LRRTM4: variants seen among roughly 807,000 people sequenced by gnomAD.
LRRTM4 encodes the protein leucine-rich repeat transmembrane neuronal protein 4.
A neutral mutation model predicts 47.6 loss-of-function variants in LRRTM4; 25 were observed. The ratio of observed to expected loss-of-function variants is 0.53; its 90% CI spans 0.38 to 0.73. The LOEUF (loss-of-function observed/expected upper bound fraction) is 0.73, where lower values mean the gene tolerates loss of function less well. LRRTM4 is among the 30% of genes least tolerant of loss of function. The probability of loss-of-function intolerance (pLI) is 0.00; values close to 1 mark genes in which losing one functional copy is unlikely to be tolerated. For missense variants in LRRTM4, 638 were observed against 713.4 expected (o/e 0.89, Z 1.20); for synonymous variants, 311 against 269.5 (o/e 1.15, Z -1.51).
Position 77,459,571 on chromosome 2 carries a change from C to T in LRRTM4, c.1551+58747G>A, listed in dbSNP as rs560435915. ...GAGTAAGTACTATAAAATATTGGTC[C>T]CTTACACTACATCATATAATGAAAT... is the stretch of plus-strand genomic sequence containing the variant. On this transcript the variant is annotated intron_variant, in intron 3 of 3. Transcript: ENST00000409884. Among the ~76,000 whole-genome samples the T allele has an allele frequency of 2.6e-5, 4 of 151,748 alleles. No individual in the cohort carries two copies. The South Asian group carries it at 8.3e-4, about 32-fold the overall frequency.
chr2:77,175,032 C>A (rs1236523481), intron 3 of LRRTM4, among the ~76,000 whole-genome samples: 1 of 151,520 alleles, frequency 6.6e-6, no homozygotes, highest in Non-Finnish European at 1.5e-5. Flanking sequence ...AAGTTAGTTT[C>A]AAATGCTAGT....
chr2:77,520,572 C>T (rs1679446734), intron 2 of LRRTM4, among the ~76,000 whole-genome samples: 1 of 152,040 alleles, frequency 6.6e-6, no homozygotes, highest in Admixed American at 6.6e-5. Flanking sequence ...TCTAAATACT[C>T]ATAACAGAGA....
In LRRTM4 at chr2:76,748,304, C is replaced by A. The variant is rs746780779; in HGVS notation, c.*391G>T. 7.1e-5 allele frequency: 12 copies of A among 169,730 alleles called. No individual in the cohort carries two copies. Among genetic ancestry groups the A allele is most frequent in the Non-Finnish European group, 1.0e-4 (8 of 79,376 alleles). The allele number at this position is 169,730 out of a possible 1,614,324, so 10.5% of individuals were successfully genotyped here. ...AACGGTTGTTTCCCTAGCTTCCCAC[C>A]CACCCCTGTTTATTTGCTCCCCTGT... On this transcript the variant is annotated 3_prime_UTR_variant, in exon 4 of 4. Transcript: ENST00000409884.
intron 3 of LRRTM4, among the ~76,000 whole-genome samples, chr2:77,150,785 TTAAAA>T (rs1469603364): frequency 1.3e-5 from 2 of 152,170 alleles, no homozygotes; most frequent in Non-Finnish European, 2.9e-5. Flanking sequence ...TAAAAATAAA[TTAAAA>T]TAATATTGCT....
chr2:77,403,072 A>C (rs1450234570), intron 3 of LRRTM4, among the ~76,000 whole-genome samples: 2 of 152,106 alleles, frequency 1.3e-5, no homozygotes, highest in South Asian at 2.1e-4. Context: ...GAACCATAAA[A>C]ATTCTTCTGA....
At chr2:77,112,133 T>C (rs1331835864) in intron 3 of LRRTM4, among the ~76,000 whole-genome samples, 1 of 152,188 alleles carries the variant, frequency 6.6e-6, no homozygotes, top group Non-Finnish European at 1.5e-5. Context: ...CTGGGGCTAT[T>C]TCTAAGGCAA....
intron 3 of LRRTM4, among the ~76,000 whole-genome samples, chr2:76,780,588 G>C (rs372403875): frequency 3.1e-4 from 47 of 151,764 alleles, no homozygotes; most frequent in Admixed American, 6.6e-4. Context: ...CGTAGTTCTC[G>C]AGCCTTGGTT....
chr2:76,812,766 C>CTCT (rs1315042080), intron 3 of LRRTM4, among the ~76,000 whole-genome samples: 2 of 116,414 alleles, frequency 1.7e-5, no homozygotes, highest in Non-Finnish European at 3.5e-5. Flanking sequence ...TCTCCTCCTC[C>CTCT]TCTCCCTCCC....
chr2:76,807,425 CATATATATATACGTATATACATATAT>C lies in LRRTM4; in HGVS notation c.1552-58535_1552-58510del, dbSNP rs1357340902. Among the ~76,000 whole-genome samples, 3 of 98,080 alleles carry C rather than the reference CATATATATATACGTATATACATATAT, an allele frequency of 3.1e-5. No individual in the cohort carries two copies. The East Asian group carries it at 8.5e-4, about 28-fold the overall frequency. The allele number at this position is 98,080 out of a possible 152,430, so 64.3% of individuals were successfully genotyped here. A position where few individuals can be genotyped will look rare whatever the true frequency, so the allele number is the denominator to read the frequency against. ...GTATATACGTATATATATATATATA[CATATATATATACGTATATACATATAT>C]ATATATACATATATATATACATATA... On this transcript the variant is annotated intron_variant, in intron 3 of 3. Coordinates refer to ENST00000409884, the MANE Select transcript of LRRTM4 (RefSeq NM_001134745.3).
chr2:76,889,360 T>C (rs1673178410), intron 3 of LRRTM4, among the ~76,000 whole-genome samples: 1 of 152,000 alleles, frequency 6.6e-6, no homozygotes, highest in African/African-American at 2.4e-5. Flanking sequence ...TTCAAAATAT[T>C]CCTTTTTGTC....
At chr2:77,493,942 G>A (rs1240110359) in intron 3 of LRRTM4, among the ~76,000 whole-genome samples, 1 of 152,036 alleles carries the variant, frequency 6.6e-6, no homozygotes, top group East Asian at 1.9e-4. Flanking sequence ...ATTTACTTCA[G>A]CCATATCGTA....
At chr2:77,332,061 T>C (rs1272770955) in intron 3 of LRRTM4, among the ~76,000 whole-genome samples, 1 of 152,174 alleles carries the variant, frequency 6.6e-6, no homozygotes, top group African/African-American at 2.4e-5. Context: ...AATATGTTTC[T>C]TAAGAAGAAC....
chr2:77,379,516 A>T (rs1311237691), intron 3 of LRRTM4, among the ~76,000 whole-genome samples: 1 of 152,054 alleles, frequency 6.6e-6, no homozygotes, highest in Non-Finnish European at 1.5e-5. Flanking sequence ...CCTTGAATTC[A>T]ATCTCCCTCA....
At chr2:77,518,190 C>T (rs1408955814) in intron 3 of LRRTM4, 128 bp downstream of exon 3, 3 of 1,339,638 alleles carry the variant, frequency 2.2e-6, no homozygotes, top group Non-Finnish European at 2.9e-6. Flanking sequence ...TAACCTTTCA[C>T]ACTGAGCAAA....
At chr2:77,082,846 T>C (rs1680577457) in intron 3 of LRRTM4, among the ~76,000 whole-genome samples, 2 of 152,122 alleles carry the variant, frequency 1.3e-5, no homozygotes, top group South Asian at 4.1e-4. Context: ...TTAAACATTA[T>C]ATACATAATA....
chr2:76,810,231 TGTAA>T (rs1425001048), intron 3 of LRRTM4, among the ~76,000 whole-genome samples: 1 of 152,206 alleles, frequency 6.6e-6, no homozygotes, highest in Admixed American at 6.5e-5. Context: ...TGTTTTTTCT[TGTAA>T]GTGACAATTC....
intron 2 of LRRTM4, among the ~76,000 whole-genome samples, chr2:77,520,916 AAG>A (rs1267560836): frequency 6.6e-6 from 1 of 152,090 alleles, no homozygotes; most frequent in Non-Finnish European, 1.5e-5. Flanking sequence ...GAGAAAAAAA[AAG>A]AAACAACTAC....
intron 3 of LRRTM4, among the ~76,000 whole-genome samples, chr2:77,383,643 T>C (rs951892616): frequency 6.6e-6 from 1 of 152,136 alleles, no homozygotes; most frequent in Non-Finnish European, 1.5e-5. Flanking sequence ...TTGCATATGT[T>C]GTGTCATTTA....
intron 3 of LRRTM4, among the ~76,000 whole-genome samples, chr2:77,052,505 A>G (rs1356988032): frequency 2.0e-5 from 3 of 152,004 alleles, no homozygotes; most frequent in Non-Finnish European, 4.4e-5. Context: ...AATCAAATAT[A>G]TAAAAGTGAC....
Sources: allele counts gnomAD v4.1 joint callset (sites outside exome capture counted in the v4.1 genomes callset), GRCh38; gene constraint gnomAD v4.1.1; transcripts MANE v1.5; gene names NCBI Gene and HGNC (gene_info 2026-07-23, HGNC 2026-07-21).